The following LHFPL3 variants were observed in gnomAD, a reference collection of about 807,000 sequenced individuals.
LHFPL3 encodes LHFPL tetraspan subfamily member 3, also known as LHFPL tetraspan subfamily member 3 protein.
A neutral mutation model predicts 19.3 loss-of-function variants in LHFPL3; 5 were observed. The ratio of observed to expected loss-of-function variants is 0.26; its 90% CI spans 0.14 to 0.54. The LOEUF is 0.54. Ranked by LOEUF, LHFPL3 falls within the 20% of genes least tolerant of loss-of-function variation. LHFPL3 has a pLI of 0.94. For synonymous variants in LHFPL3, 133 were observed against 126.2 expected, an observed-to-expected ratio of 1.05 and a Z score of -0.36; for missense variants, 249 against 307.4, an observed-to-expected ratio of 0.81 and a Z score of 1.42.
intron 1 of LHFPL3, among the ~76,000 whole-genome samples, chr7:104,702,708 G>T (rs1455320677): frequency 6.6e-6 from 1 of 152,158 alleles, no homozygotes; most frequent in Non-Finnish European, 1.5e-5. Flanking sequence ...AGGAGAATGG[G>T]GCAATGGCTC....
chr7:104,408,864 C>CTTTTTTTTTTTTTTTTTTTTTTTT (rs561975535), intron 1 of LHFPL3, among the ~76,000 whole-genome samples: 1 of 105,436 alleles, frequency 9.5e-6, no homozygotes, highest in Non-Finnish European at 1.8e-5. Context: ...AATTTTCTTT[C>CTTTTTTTTTTTTTTTTTTTTTTTT]TTTTTTTTTT....
intron 1 of LHFPL3, among the ~76,000 whole-genome samples, chr7:104,665,226 A>C (rs577003448): frequency 6.6e-6 from 1 of 151,114 alleles, no homozygotes; most frequent in South Asian, 2.1e-4. Context: ...CAAATGTAGC[A>C]TCTACTAGAA....
chr7:104,460,689 A>T (rs1456945272), intron 1 of LHFPL3, among the ~76,000 whole-genome samples: 2 of 151,884 alleles, frequency 1.3e-5, no homozygotes, highest in Admixed American at 1.3e-4. Flanking sequence ...CACTTTTTTA[A>T]TGGGGTTATT....
chr7:104,729,119 G>A (rs1793642322), intron 1 of LHFPL3, among the ~76,000 whole-genome samples: 1 of 152,134 alleles, frequency 6.6e-6, no homozygotes, highest in Non-Finnish European at 1.5e-5. Flanking sequence ...GTTCTGTGGT[G>A]CCACACTATT....
At chr7:104,767,506 T>G (rs1794475283) in intron 2 of LHFPL3, among the ~76,000 whole-genome samples, 1 of 152,222 alleles carries the variant, frequency 6.6e-6, no homozygotes, top group African/African-American at 2.4e-5. Flanking sequence ...AAAGTTTACA[T>G]TTTTCATTCC....
At chr7:104,455,150 T>C (rs1194410070) in intron 1 of LHFPL3, among the ~76,000 whole-genome samples, 6 of 152,204 alleles carry the variant, frequency 3.9e-5, no homozygotes, top group African/African-American at 1.4e-4. Context: ...AACATTGATG[T>C]ATAGGCAGCC....
chr7:104,393,025 C>T (rs987378267), intron 1 of LHFPL3, among the ~76,000 whole-genome samples: 1 of 152,122 alleles, frequency 6.6e-6, no homozygotes, highest in Non-Finnish European at 1.5e-5. Context: ...ACAGAGATTT[C>T]TTCAAGAAAG....
At position 104,907,758 on chromosome 7, in the gene LHFPL3, G is replaced by A. The variant is rs567671975; in HGVS notation, c.*1543G>A. 3.9e-5 allele frequency among the ~76,000 whole-genome samples: 6 copies of A among 152,212 alleles called. No individual in the cohort carries two copies. Among genetic ancestry groups the A allele is most frequent in the Non-Finnish European group, 7.4e-5 (5 of 68,004 alleles). On this transcript the variant is annotated 3_prime_UTR_variant, in exon 3 of 3. Transcript: ENST00000424859. ...AACACAAGAAGTGATACAGATCAGG[G>A]TTCACTTCTCTTACCCTCTCTCTGT...
chr7:104,884,910 G>A (rs1792121190), intron 2 of LHFPL3, among the ~76,000 whole-genome samples: 1 of 152,176 alleles, frequency 6.6e-6, no homozygotes, highest in South Asian at 2.1e-4. Flanking sequence ...GAGAGAAGGA[G>A]AAGTGGAGTG....
intron 1 of LHFPL3, among the ~76,000 whole-genome samples, chr7:104,447,225 G>T (rs1421300995): frequency 6.6e-6 from 1 of 152,130 alleles, no homozygotes; most frequent in East Asian, 1.9e-4. Flanking sequence ...TGGGGACTTT[G>T]CTATGTTGTT....
chr7:104,391,797 C>T (rs4407809), intron 1 of LHFPL3, among the ~76,000 whole-genome samples: 62,814 of 151,936 alleles, frequency 0.41, 13,353 homozygotes, highest in Admixed American at 0.54. Flanking sequence ...TTTCACAATA[C>T]TGATTCTTCC....
intron 2 of LHFPL3, among the ~76,000 whole-genome samples, chr7:104,889,146 T>C (rs573121180): frequency 6.6e-6 from 1 of 152,236 alleles, no homozygotes; most frequent in Non-Finnish European, 1.5e-5. Flanking sequence ...ACTCAACATA[T>C]AGTGTCTAAA....
chr7:104,557,325 G>A (rs939537244), intron 1 of LHFPL3, among the ~76,000 whole-genome samples: 1 of 152,166 alleles, frequency 6.6e-6, no homozygotes, highest in Non-Finnish European at 1.5e-5. Context: ...AGCTGGGGAG[G>A]CCTCACAATC....
intron 1 of LHFPL3, among the ~76,000 whole-genome samples, chr7:104,430,454 A>ATATAT (rs1562895362): frequency 6.5e-5 from 1 of 15,298 alleles, no homozygotes; most frequent in African/African-American, 2.6e-4. Flanking sequence ...ATATATATAT[A>ATATAT]TTTTTTTTTT....
At chr7:104,660,331 A>C (rs555181734) in intron 1 of LHFPL3, among the ~76,000 whole-genome samples, 3 of 152,342 alleles carry the variant, frequency 2.0e-5, no homozygotes, top group Admixed American at 6.5e-5. Context: ...AACTGTGATC[A>C]GTTCACCATC....
intron 1 of LHFPL3, among the ~76,000 whole-genome samples, chr7:104,432,139 C>A (rs887459920): frequency 1.3e-5 from 2 of 152,232 alleles, no homozygotes; most frequent in African/African-American, 2.4e-5. Flanking sequence ...CTGTCTCTGG[C>A]TGCTCATAGC....
chr7:104,583,696 C>A (rs941568193), intron 1 of LHFPL3, among the ~76,000 whole-genome samples: 4 of 152,084 alleles, frequency 2.6e-5, no homozygotes, highest in Non-Finnish European at 4.4e-5. Context: ...AGCCAAAAAA[C>A]ACATGAAAAA....
At chr7:104,484,119 A>C (rs79267240) in intron 1 of LHFPL3, among the ~76,000 whole-genome samples, 2 of 20,940 alleles carry the variant, frequency 9.6e-5, no homozygotes, top group Non-Finnish European at 2.5e-4. Context: ...TTGGAGACTT[A>C]TTACAATTCT....
chr7:104,440,044 G>GGGGGC (rs563683940), intron 1 of LHFPL3, among the ~76,000 whole-genome samples: 1 of 143,736 alleles, frequency 7.0e-6, no homozygotes, highest in Non-Finnish European at 1.5e-5. Context: ...CTGGGGGGGG[G>GGGGGC]GAGGGATAGC....
Sources: allele counts gnomAD v4.1 joint callset (sites outside exome capture counted in the v4.1 genomes callset), GRCh38; gene constraint gnomAD v4.1.1; transcripts MANE v1.5; gene names NCBI Gene and HGNC (gene_info 2026-07-23, HGNC 2026-07-21).